Variants in NBEAL1 observed in about 807,000 individuals in gnomAD.
NBEAL1 encodes the protein neurobeachin like 1, also known as neurobeachin-like protein 1.
NBEAL1 carries 273 observed loss-of-function variants against 351.3 expected under a neutral mutation model. That is an observed-to-expected ratio of 0.78 (90% CI 0.70 to 0.86). NBEAL1 has a LOEUF of 0.86. Among genes scored for constraint, NBEAL1 ranks in the 40% least tolerant of loss-of-function variants. The pLI, the probability that NBEAL1 is intolerant of heterozygous loss-of-function variation, is 0.00. For missense variants in NBEAL1, 2,961 were observed against 3,201.3 expected (o/e 0.92, Z 1.81); for synonymous variants, 1,050 against 1,086.4 (o/e 0.97, Z 0.66).
intron 44 of NBEAL1, among the ~76,000 whole-genome samples, chr2:203,187,720 G>A (rs901192305): frequency 1.3e-5 from 2 of 150,552 alleles, no homozygotes; most frequent in Admixed American, 1.3e-4. Context: ...TCCAACCTCA[G>A]CGACAGAGCG....
intron 19 of NBEAL1, 34 bp downstream of exon 19, chr2:203,122,377 C>T: frequency 7.9e-7 from 1 of 1,264,612 alleles, no homozygotes; most frequent in Non-Finnish European, 1.1e-6. Flanking sequence ...CAACATCTTA[C>T]ATAATTTACT....
chr2:203,093,267 T>C (rs1410198061), intron 10 of NBEAL1, among the ~76,000 whole-genome samples: 1 of 149,412 alleles, frequency 6.7e-6, no homozygotes, highest in Non-Finnish European at 1.5e-5. Context: ...AAGAATCTGC[T>C]TTATAGGGTC....
chr2:203,042,786 C>G (rs1319279201), intron 3 of NBEAL1, among the ~76,000 whole-genome samples: 1 of 152,032 alleles, frequency 6.6e-6, no homozygotes, highest in East Asian at 1.9e-4. Context: ...CAGGGTTTCA[C>G]CATGTTGGCC....
chr2:203,190,157 TGTACACACACAC>T, intron 45 of NBEAL1, 123 bp from the exon 46 acceptor site: 2 of 402,964 alleles, frequency 5.0e-6, no homozygotes, highest in African/African-American at 6.9e-5. Flanking sequence ...AAAAGATGTG[TGTACACACACAC>T]ACACACACAC....
chr2:203,112,218 C>T (rs1478333001), intron 16 of NBEAL1, 120 bp downstream of exon 16: 1 of 1,036,834 alleles, frequency 9.6e-7, no homozygotes, highest in Non-Finnish European at 1.4e-6. Flanking sequence ...AAAGTGTTTT[C>T]TATGTAGTAA....
intron 2 of NBEAL1, among the ~76,000 whole-genome samples, chr2:203,022,850 TA>T (rs2060792686): frequency 6.6e-6 from 1 of 152,198 alleles, no homozygotes; most frequent in South Asian, 2.1e-4. Context: ...AGTGCTTAAT[TA>T]TCTTGAATAA....
rs2065949206 is a variant in NBEAL1 at position 203,221,039 on chromosome 2, A to G, written c.*3685A>G. Among the ~76,000 whole-genome samples, 1 of 152,152 alleles carries G rather than the reference A, an allele frequency of 6.6e-6. No homozygotes were observed. Among genetic ancestry groups the G allele is most frequent in the Non-Finnish European group, 1.5e-5 (1 of 68,008 alleles). On this transcript the variant is annotated 3_prime_UTR_variant, in exon 56 of 56. Coordinates refer to ENST00000683969, the MANE Select transcript of NBEAL1 (RefSeq NM_001378026.1). ...TTCAGAGTACTTGTATTGAAAATCA[A>G]GTTTATGCTTCTGAAAAGAATAAGT...
Position 203,041,857 on chromosome 2 carries a change from G to T in NBEAL1, c.143+1G>T. The T allele has an allele frequency of 1.3e-6, 2 of 1,549,370 alleles. No homozygotes were observed. The highest frequency in any genetic ancestry group is 1.7e-6 in the Non-Finnish European group (2 of 1,144,372). ...TTGACTTTGAAAAGCTGCCTACCAG[G>T]TATGTAGAAACGCTAATTTGTAACC... On this transcript the variant is annotated splice_donor_variant, in intron 3 of 55. Coordinates refer to ENST00000683969, the MANE Select transcript of NBEAL1 (RefSeq NM_001378026.1). LOFTEE classifies it high-confidence loss of function.
chr2:203,019,650 A>G (rs2060735742), intron 2 of NBEAL1, among the ~76,000 whole-genome samples: 1 of 152,196 alleles, frequency 6.6e-6, no homozygotes, highest in South Asian at 2.1e-4. Flanking sequence ...TCCACAGTGT[A>G]TTAACAATAG....
At chr2:203,167,393 G>T (rs1002081623) in intron 38 of NBEAL1, 33 bp downstream of exon 38, 1 of 1,556,462 alleles carries the variant, frequency 6.4e-7, no homozygotes, top group Non-Finnish European at 8.7e-7. Flanking sequence ...ATCCCAAAAT[G>T]CTAGCTTTAA....
intron 35 of NBEAL1, among the ~76,000 whole-genome samples, chr2:203,152,082 C>T (rs1288163536): frequency 6.6e-6 from 1 of 151,786 alleles, no homozygotes; most frequent in Non-Finnish European, 1.5e-5. Context: ...CTCAGCCTCC[C>T]AAGTAGCTGG....
chr2:203,151,035 A>G (rs1462662173), intron 34 of NBEAL1, among the ~76,000 whole-genome samples: 1 of 152,220 alleles, frequency 6.6e-6, no homozygotes, highest in Non-Finnish European at 1.5e-5. Context: ...CAGTTTTATA[A>G]AATGGTGCTA....
rs201080847 is a variant in NBEAL1, at chr2:203,201,706, C to T, written c.7402C>T (p.Arg2468Trp). ...TKGKIISHII[R>W]HMDIVTCLAT... ...AGGCAAAATTATCTCACACATCATCCGGCATATGGGTAAGCATTAGCTTTT... is the reference window on the plus strand; with the variant it reads ...AGGCAAAATTATCTCACACATCATCTGGCATATGGGTAAGCATTAGCTTTT... The change falls in exon 50 of 56, where the codon CGG becomes TGG. Residue 2468 changes from arginine to tryptophan, a missense_variant. Arg to Trp is a moderately radical substitution (Grantham distance 101, BLOSUM62 -3). Coordinates refer to ENST00000683969, the MANE Select transcript of NBEAL1 (RefSeq NM_001378026.1). 22 of 1,597,186 alleles carry T rather than the reference C, an allele frequency of 1.4e-5. No homozygotes were observed. Among genetic ancestry groups the T allele is most frequent in the East Asian group, 1.3e-4 (6 of 44,590 alleles).
Position 203,049,800 on chromosome 2 carries a change from C to T in NBEAL1, c.144-14C>T, listed in dbSNP as rs1051430201. The T allele has an allele frequency of 8.0e-6, 12 of 1,491,226 alleles. No homozygotes were observed. Among genetic ancestry groups the T allele is most frequent in the Middle Eastern group, 1.7e-4 (1 of 5,718 alleles). 92.4% of individuals were successfully genotyped at this position (1,491,226 alleles called of 1,614,324 possible). A position where few individuals can be genotyped will look rare whatever the true frequency, so the allele number is the denominator to read the frequency against. On this transcript the variant is annotated splice_polypyrimidine_tract_variant and intron_variant, in intron 3 of 55. Transcript: ENST00000683969. ...TTTCAACAGGCTTCTTATTTTTTTC[C>T]CTTTCTGTTGTAGGGTAGATGATAT...
intron 38 of NBEAL1, among the ~76,000 whole-genome samples, chr2:203,169,388 TAAA>T (rs1208449990): frequency 1.1e-5 from 1 of 89,628 alleles, no homozygotes; most frequent in South Asian, 4.0e-4. Context: ...TTGAATATAG[TAAA>T]AAAAAAAAAA....
In NBEAL1 at chr2:203,057,460, C is replaced by G; in HGVS notation, c.515+7C>G. The stretch of plus-strand genomic sequence containing the variant: ...GGAGACATAGAATTTCAGGGTATGT[C>G]TTATAAATAATAACGTTCATTTAAA... On this transcript the variant is annotated splice_region_variant and intron_variant, in intron 6 of 55. Transcript: ENST00000683969. 1 of 1,541,934 alleles carries G rather than the reference C, an allele frequency of 6.5e-7. No individual in the cohort carries two copies. Among genetic ancestry groups the G allele is most frequent in the Non-Finnish European group, 8.8e-7 (1 of 1,141,438 alleles).
chr2:203,039,456 T>C (rs1220860109), intron 2 of NBEAL1, among the ~76,000 whole-genome samples: 3 of 145,176 alleles, frequency 2.1e-5, no homozygotes, highest in Non-Finnish European at 4.6e-5. Context: ...CAGGCTGGAG[T>C]GCAGTAGCAT....
chr2:203,166,090 T>C, intron 36 of NBEAL1, 59 bp from the exon 37 acceptor site: 1 of 1,417,174 alleles, frequency 7.1e-7, no homozygotes, highest in Non-Finnish European at 9.4e-7. Flanking sequence ...GGCATTCTTT[T>C]CTATTTAAGA....
intron 8 of NBEAL1, among the ~76,000 whole-genome samples, chr2:203,080,485 C>A (rs996631640): frequency 2.0e-5 from 3 of 152,080 alleles, no homozygotes; most frequent in South Asian, 2.1e-4. Flanking sequence ...GTTTTGTTTT[C>A]TCTCTGTATG....
Sources: allele counts gnomAD v4.1 joint callset (sites outside exome capture counted in the v4.1 genomes callset), GRCh38; gene constraint gnomAD v4.1.1; transcripts MANE v1.5; gene names NCBI Gene and HGNC (gene_info 2026-07-23, HGNC 2026-07-21).